NLGN4Y: variants seen among roughly 807,000 people sequenced by gnomAD.
NLGN4Y encodes the protein neuroligin 4 Y-linked.
In NLGN4Y, 4 loss-of-function variants were observed where a neutral mutation model predicts 8.4. That is an observed-to-expected ratio of 0.48 (90% confidence interval 0.23 to 1.09). NLGN4Y has a LOEUF of 1.09. Among genes scored for constraint, NLGN4Y ranks in the 50% least tolerant of loss-of-function variants. The pLI, the probability that NLGN4Y is intolerant of heterozygous loss-of-function variation, is 0.19. For missense variants in NLGN4Y, 90 were observed against 192.3 expected (o/e 0.47, Z 3.15); for synonymous variants, 35 against 75.6 (o/e 0.46, Z 2.78).
intron 1 of NLGN4Y, among the ~76,000 whole-genome samples, chrY:14,590,126 C>A: frequency 2.9e-5 from 1 of 34,434 alleles, no homozygotes; most frequent in Non-Finnish European, 7.3e-5. Context: ...AGCTGGCCCA[C>A]AAGTGCTGCA....
intron 1 of NLGN4Y, among the ~76,000 whole-genome samples, chrY:14,548,131 A>AT (rs2080178901): frequency 9.3e-5 from 3 of 32,426 alleles, no homozygotes; most frequent in East Asian, 7.9e-4. Flanking sequence ...GTTTGGAGGC[A>AT]TTTTTTTTAA....
rs1309159261 is a variant in NLGN4Y, at chrY:14,830,203, G to A, written c.1345G>A (p.Asp449Asn). 1 of 398,606 alleles carries A rather than the reference G, an allele frequency of 2.5e-6. No homozygotes were observed. The change falls in exon 6 of 7, where the codon GAT becomes AAT. Residue 449 changes from aspartate (D) to asparagine (N), a missense_variant. Physicochemically the swap from Asp to Asn is conservative, Grantham distance 23. Around this residue, in one of 4 missense-constraint regions of NLGN4Y, gnomAD observed 37 missense variants for 94.0 expected, o/e 0.39. Coordinates refer to ENST00000684976, the MANE Select transcript of NLGN4Y (RefSeq NM_001365588.1). ...CAAGTTCATGTACACAGACTGGGCC[G>A]ATAAGGAAAACCCGGAGACGCGGCG... ...TIKFMYTDWA[D>N]KENPETRRKT...
intron 4 of NLGN4Y, among the ~76,000 whole-genome samples, chrY:14,731,255 G>A (rs1003573430): frequency 3.2e-5 from 1 of 31,662 alleles, no homozygotes; most frequent in African/African-American, 1.2e-4. Flanking sequence ...GGATTGTCTC[G>A]ATCTCTTGAC....
At chrY:14,550,231 A>G in intron 1 of NLGN4Y, among the ~76,000 whole-genome samples, 3 of 34,187 alleles carry the variant, frequency 8.8e-5, no homozygotes, top group Admixed American at 7.9e-4. Context: ...TTTAGCTTGA[A>G]TATGCACAAA....
At chrY:14,729,858 G>A in intron 4 of NLGN4Y, among the ~76,000 whole-genome samples, 1 of 33,151 alleles carries the variant, frequency 3.0e-5, no homozygotes, top group Non-Finnish European at 7.4e-5. Flanking sequence ...GTAGAAAGGA[G>A]AAAATTTTAT....
chrY:14,687,450 A>G (rs769082101), intron 2 of NLGN4Y, among the ~76,000 whole-genome samples: 18 of 32,485 alleles, frequency 5.5e-4, no homozygotes, highest in African/African-American at 2.1e-3. Flanking sequence ...TCACTGCTCT[A>G]CATGGCTAGG....
chrY:14,653,337 C>A, intron 2 of NLGN4Y, among the ~76,000 whole-genome samples: 2 of 30,420 alleles, frequency 6.6e-5, no homozygotes, highest in African/African-American at 1.3e-4. Context: ...CCATAGATAG[C>A]CACCGGATCA....
chrY:14,526,653 T>C, intron 1 of NLGN4Y, among the ~76,000 whole-genome samples: 1 of 33,053 alleles, frequency 3.0e-5, no homozygotes, highest in Non-Finnish European at 7.4e-5. Flanking sequence ...GATACCATTT[T>C]AAAGTTGCTT....
chrY:14,756,084 C>T (rs929728194), intron 4 of NLGN4Y, among the ~76,000 whole-genome samples: 1 of 33,187 alleles, frequency 3.0e-5, no homozygotes, highest in Non-Finnish European at 7.4e-5. Flanking sequence ...TAGTACCTTT[C>T]GATGTTTTGT....
intron 2 of NLGN4Y, among the ~76,000 whole-genome samples, chrY:14,697,193 A>G: frequency 4.1e-5 from 1 of 24,671 alleles, no homozygotes; most frequent in Non-Finnish European, 9.4e-5. Flanking sequence ...AGATAGATAG[A>G]TAGGTAGGTA....
chrY:14,608,713 A>T, intron 1 of NLGN4Y, among the ~76,000 whole-genome samples: 1 of 31,858 alleles, frequency 3.1e-5, no homozygotes, highest in African/African-American at 1.2e-4. Flanking sequence ...CCCGAAATTT[A>T]TGGTGTTTTT....
At chrY:14,562,218 T>C in intron 1 of NLGN4Y, among the ~76,000 whole-genome samples, 1 of 33,436 alleles carries the variant, frequency 3.0e-5, no homozygotes, top group Non-Finnish European at 7.4e-5. Flanking sequence ...CATTTAAATC[T>C]TTGATCCATT....
intron 4 of NLGN4Y, among the ~76,000 whole-genome samples, chrY:14,823,027 A>G (rs2043128424): frequency 3.0e-5 from 1 of 33,212 alleles, no homozygotes; most frequent in Admixed American, 2.8e-4. Context: ...GTAGGAAAAA[A>G]AAAATCTTAT....
chrY:14,813,736 G>A (rs996086650), intron 4 of NLGN4Y, among the ~76,000 whole-genome samples: 1 of 33,810 alleles, frequency 3.0e-5, no homozygotes, highest in East Asian at 7.8e-4. Context: ...TTTCTTGTGT[G>A]TATATTTTTG....
intron 4 of NLGN4Y, among the ~76,000 whole-genome samples, chrY:14,739,021 G>T (rs2150561903): frequency 3.1e-5 from 1 of 32,691 alleles, no homozygotes; most frequent in South Asian, 7.0e-4. Flanking sequence ...ATATTATCTT[G>T]ATTTTCTTTA....
Position 14,748,773 on chromosome Y carries a change from T to C in NLGN4Y, c.685+25504T>C. 6 of 168,390 alleles carry C rather than the reference T, an allele frequency of 3.6e-5. No homozygotes were observed. In the Admixed American group the frequency reaches 4.0e-4, roughly 11 times the overall value. 42.0% of individuals were successfully genotyped at this position (168,390 alleles called of 400,897 possible). A position where few individuals can be genotyped will look rare whatever the true frequency, so the allele number is the denominator to read the frequency against. ...ACTGTCCTCTCACTTGTCTCTGTTA[T>C]GGTTTCTGCTATGTTTTCATTGATT... On this transcript the variant is annotated intron_variant, in intron 4 of 6. Transcript: ENST00000684976.
chrY:14,685,974 T>C, intron 2 of NLGN4Y, among the ~76,000 whole-genome samples: 1 of 32,721 alleles, frequency 3.1e-5, no homozygotes, highest in Non-Finnish European at 7.6e-5. Context: ...CTAGGGACAA[T>C]GGAAACTCTG....
intron 1 of NLGN4Y, among the ~76,000 whole-genome samples, chrY:14,612,504 T>C: frequency 2.9e-5 from 1 of 33,983 alleles, no homozygotes; most frequent in Non-Finnish European, 7.3e-5. Context: ...TTGATGTTGA[T>C]GTTATTGCTT....
intron 1 of NLGN4Y, among the ~76,000 whole-genome samples, chrY:14,543,170 G>A: frequency 3.0e-5 from 1 of 33,362 alleles, no homozygotes; most frequent in Non-Finnish European, 7.4e-5. Context: ...TAAAATATAG[G>A]AACCATTTTA....
Sources: allele counts gnomAD v4.1 joint callset (sites outside exome capture counted in the v4.1 genomes callset), GRCh38; gene constraint gnomAD v4.1.1; regional missense constraint gnomAD v4.1.1; transcripts MANE v1.5; gene names NCBI Gene and HGNC (gene_info 2026-07-23, HGNC 2026-07-21).